Variants in TGFB2 observed in about 807,000 individuals in gnomAD.
The protein encoded by TGFB2 is transforming growth factor beta-2 proprotein.
In TGFB2, 13 loss-of-function variants were observed where a neutral mutation model predicts 42.7. The observed-to-expected ratio is 0.30, with a 90% CI of 0.20 to 0.48. The LOEUF (loss-of-function observed/expected upper bound fraction) is 0.48, where lower values mean the gene tolerates loss of function less well. TGFB2 is among the 20% of genes least tolerant of loss of function. TGFB2 has a pLI of 0.99. For missense variants in TGFB2, 390 were observed against 517.5 expected (o/e 0.75, Z 2.39); for synonymous variants, 193 against 193.6 (o/e 1.00, Z 0.03).
At chr1:218,362,352 C>G (rs1023707974) in intron 1 of TGFB2, among the ~76,000 whole-genome samples, 1 of 152,164 alleles carries the variant, frequency 6.6e-6, no homozygotes, top group Non-Finnish European at 1.5e-5. Flanking sequence ...CCCTAATAGG[C>G]AGTCAGGGCT....
intron 1 of TGFB2, among the ~76,000 whole-genome samples, chr1:218,371,190 A>C (rs1469530969): frequency 6.6e-6 from 1 of 152,128 alleles, no homozygotes; most frequent in Non-Finnish European, 1.5e-5. Flanking sequence ...GGTCCCAGCT[A>C]TTCAGGAGGC....
intron 2 of TGFB2, among the ~76,000 whole-genome samples, chr1:218,412,808 A>G (rs182905357): frequency 1.3e-5 from 2 of 152,350 alleles, no homozygotes; most frequent in Admixed American, 1.3e-4. Flanking sequence ...TGTGAAAGTC[A>G]GTTGCCAGGT....
At chr1:218,431,199 C>A (rs901615981) in intron 2 of TGFB2, among the ~76,000 whole-genome samples, 9 of 152,152 alleles carry the variant, frequency 5.9e-5, no homozygotes, top group South Asian at 2.1e-4. Context: ...ATCCAGAGGA[C>A]CTTTCACCCA....
intron 2 of TGFB2, among the ~76,000 whole-genome samples, chr1:218,411,067 A>C (rs1434466445): frequency 2.0e-5 from 3 of 152,086 alleles, no homozygotes; most frequent in Admixed American, 1.3e-4. Flanking sequence ...CTTATATTTA[A>C]ATTTGCTAAC....
chr1:218,412,352 C>A (rs1482465067), intron 2 of TGFB2, among the ~76,000 whole-genome samples: 1 of 152,170 alleles, frequency 6.6e-6, no homozygotes, highest in African/African-American at 2.4e-5. Flanking sequence ...ACATGTAATT[C>A]CAAGGAACTG....
chr1:218,373,149 C>T lies in TGFB2; in HGVS notation c.346+26102C>T, dbSNP rs143511749. ...GCTGAGATCGCGCCACTGCACTCCACCCTGGGCAAAAAGAGCAAAGCTCCG... is the reference window on the plus strand; with the variant it reads ...GCTGAGATCGCGCCACTGCACTCCATCCTGGGCAAAAAGAGCAAAGCTCCG... On this transcript the variant is annotated intron_variant, in intron 1 of 6. Transcript: ENST00000366930. Among the ~76,000 whole-genome samples, 299 of 152,156 alleles carry T rather than the reference C, an allele frequency of 2.0e-3. 1 individual carries two copies. Among genetic ancestry groups the T allele is most frequent in the African/African-American group, 6.7e-3 (279 of 41,520 alleles).
chr1:218,398,253 G>A (rs1272478729), intron 1 of TGFB2, among the ~76,000 whole-genome samples: 12 of 152,240 alleles, frequency 7.9e-5, no homozygotes, highest in Admixed American at 7.8e-4. Flanking sequence ...TGGGCTGGGA[G>A]CCTCACTTTA....
chr1:218,437,668 A>G (rs1257486164), intron 6 of TGFB2, among the ~76,000 whole-genome samples, 172 bp downstream of exon 6: 3 of 152,208 alleles, frequency 2.0e-5, no homozygotes, highest in Non-Finnish European at 4.4e-5. Context: ...AGTTTTTGCC[A>G]TTGAAAATAA....
chr1:218,352,313 G>T (rs1485866592), intron 1 of TGFB2, among the ~76,000 whole-genome samples: 1 of 152,164 alleles, frequency 6.6e-6, no homozygotes, highest in Non-Finnish European at 1.5e-5. Flanking sequence ...CAGCGCTTCT[G>T]CTCAAGGGTG....
chr1:218,408,392 G>A (rs969515463), intron 2 of TGFB2, among the ~76,000 whole-genome samples: 1 of 152,184 alleles, frequency 6.6e-6, no homozygotes, highest in Admixed American at 6.5e-5. Context: ...ATGGCTTAGA[G>A]TCCCACGCTT....
At chr1:218,432,856 G>A (rs752624832) in intron 2 of TGFB2, among the ~76,000 whole-genome samples, 1 of 152,086 alleles carries the variant, frequency 6.6e-6, no homozygotes, top group Non-Finnish European at 1.5e-5. Context: ...GAACCCCTAA[G>A]TACTGAGGAA....
At position 218,356,968 on chromosome 1, in the gene TGFB2, T is replaced by C. The variant is rs146346448; in HGVS notation, c.346+9921T>C. ...GGCTGGCGCCTGTAATCCCAGCACT[T>C]TGGGAGGCTGAGGCGGGTGGATCAC... On this transcript the variant is annotated intron_variant, in intron 1 of 6. Transcript: ENST00000366930. Among the ~76,000 whole-genome samples, 546 of 152,218 alleles carry C rather than the reference T, an allele frequency of 3.6e-3. 4 individuals carry two copies. Among genetic ancestry groups the C allele is most frequent in the Middle Eastern group, 0.02 (6 of 294 alleles).
At chr1:218,350,011 A>T (rs1047022488) in intron 1 of TGFB2, among the ~76,000 whole-genome samples, 104 of 152,250 alleles carry the variant, frequency 6.8e-4, no homozygotes, top group African/African-American at 2.3e-3. Flanking sequence ...AGGTTTACCG[A>T]TAGTTTGCCC....
At chr1:218,417,151 A>C (rs1476880848) in intron 2 of TGFB2, among the ~76,000 whole-genome samples, 4 of 152,254 alleles carry the variant, frequency 2.6e-5, no homozygotes, top group Admixed American at 2.6e-4. Context: ...TGGAGGGCTC[A>C]GAAGAAGTCA....
intron 2 of TGFB2, among the ~76,000 whole-genome samples, chr1:218,430,194 A>G (rs1659761637): frequency 6.6e-6 from 1 of 152,028 alleles, no homozygotes; most frequent in South Asian, 2.1e-4. Context: ...GTGGCTCGAG[A>G]CCAGCCTGGG....
intron 1 of TGFB2, among the ~76,000 whole-genome samples, chr1:218,403,012 T>G (rs1658780763): frequency 6.6e-6 from 1 of 152,100 alleles, no homozygotes; most frequent in Non-Finnish European, 1.5e-5. Flanking sequence ...GGAGAAAAAG[T>G]TCTATTTGTT....
Position 218,421,373 on chromosome 1 carries a change from G to GTT in TGFB2, c.511-12695_511-12694dup, listed in dbSNP as rs5742078. Among the ~76,000 whole-genome samples the GTT allele has an allele frequency of 3.3e-3, 481 of 145,966 alleles. 2 individuals are homozygous for GTT. Among genetic ancestry groups the GTT allele is most frequent in the African/African-American group, 9.1e-3 (362 of 39,856 alleles). On this transcript the variant is annotated intron_variant, in intron 2 of 6. Transcript: ENST00000366930. ...GATGTGTTTAAAATTCCAAGAAGCAGTTTTTTTTTTTTTTTATCACTATAA... is the reference window on the plus strand; with the variant it reads ...GATGTGTTTAAAATTCCAAGAAGCAGTTTTTTTTTTTTTTTTTATCACTATAA...
chr1:218,405,986 T>C (rs1053955435), intron 2 of TGFB2, among the ~76,000 whole-genome samples: 33 of 152,278 alleles, frequency 2.2e-4, no homozygotes, highest in Admixed American at 4.6e-4. Flanking sequence ...GATTTCTTCC[T>C]GGGGAACAGT....
chr1:218,352,419 T>C (rs1235221062), intron 1 of TGFB2, among the ~76,000 whole-genome samples: 2 of 152,214 alleles, frequency 1.3e-5, no homozygotes, highest in African/African-American at 4.8e-5. Context: ...ATGTGTGCTT[T>C]CATTTTAAAA....
Sources: gnomAD v4.1 joint callset for allele counts (sites outside exome capture counted in the v4.1 genomes callset) on GRCh38, gnomAD v4.1.1 for gene constraint, MANE v1.5 for transcripts, NCBI Gene and HGNC (gene_info 2026-07-23, HGNC 2026-07-21) for gene names.